The following USPL1 variants were observed in gnomAD, a reference collection of about 807,000 sequenced individuals.
USPL1 encodes the protein SUMO-specific isopeptidase USPL1.
In USPL1, 27 loss-of-function variants were observed where a neutral mutation model predicts 51.5. The ratio of observed to expected loss-of-function variants is 0.52; its 90% CI spans 0.39 to 0.72. The LOEUF is 0.72. USPL1 is among the 30% of genes least tolerant of loss of function. USPL1 has a pLI of 0.00. For missense variants in USPL1, 1,226 were observed against 1,268.0 expected (o/e 0.97, Z 0.50); for synonymous variants, 451 against 459.6 (o/e 0.98, Z 0.24).
chr13:30,642,737 T>G lies in USPL1; in HGVS notation c.1092T>G (p.Cys364Trp). 6.2e-7 allele frequency: 1 copy of G among 1,612,916 alleles called. No individual in the cohort carries two copies. The highest frequency in any genetic ancestry group is 8.5e-7 in the Non-Finnish European group (1 of 1,179,658). The change falls in exon 6 of 9, where the codon TGT (cysteine) becomes TGG (tryptophan). Residue 364 changes from cysteine (C) to tryptophan (W), a missense_variant. Cys to Trp is a radical substitution (Grantham distance 215, BLOSUM62 -2). Transcript: ENST00000255304. ...SFSWDFECSQ[C>W]GHQYQNRHMK... ...CTTGGGACTTTGAATGTTCGCAGTG[T>G]GGACACCAATATCAAAACAGGTTAG...
In USPL1 at chr13:30,658,563, C is replaced by T. The variant is rs201754071; in HGVS notation, c.2486C>T (p.Pro829Leu). 1.1e-5 allele frequency: 17 copies of T among 1,614,148 alleles called. No homozygotes were observed. The East Asian group carries it at 3.8e-4, about 36-fold the overall frequency. Residue 829 changes from proline to leucine, a missense_variant, in exon 9 of 9, where the codon CCA becomes CTA. Transcript: ENST00000255304. ...ASKPPPISKP[P>L]AGPPSSNGTA... Reference sequence around the variant, plus strand: ...AAGCCTCCTCCCATCAGTAAGCCACCAGCAGGCCCTCCATCGTCTAATGGC... The same window carrying T: ...AAGCCTCCTCCCATCAGTAAGCCACTAGCAGGCCCTCCATCGTCTAATGGC...
At chr13:30,637,339 TC>T (rs1487649788) in intron 4 of USPL1, among the ~76,000 whole-genome samples, 1 of 152,230 alleles carries the variant, frequency 6.6e-6, no homozygotes, top group Non-Finnish European at 1.5e-5. Flanking sequence ...ATTTATCTGT[TC>T]CTATGACCTG....
intron 3 of USPL1, among the ~76,000 whole-genome samples, chr13:30,629,115 T>C (rs935488841): frequency 1.3e-5 from 2 of 152,184 alleles, no homozygotes; most frequent in African/African-American, 4.8e-5. Flanking sequence ...ATGAGTGTAA[T>C]GTTCAATTGG....
intron 3 of USPL1, among the ~76,000 whole-genome samples, chr13:30,622,520 T>G (rs1950658864): frequency 6.6e-6 from 1 of 152,210 alleles, no homozygotes. Flanking sequence ...TGTATTCCTA[T>G]TTCATGAATA....
At position 30,639,863 on chromosome 13, in the gene USPL1, C is replaced by G. The variant is rs1231984020; in HGVS notation, c.982+2006C>G. Among the ~76,000 whole-genome samples the G allele has an allele frequency of 3.9e-5, 6 of 152,338 alleles. No homozygotes were observed. In the East Asian group the frequency reaches 1.2e-3, roughly 29 times the overall value. ...TTGAATTAAAGAATGGTTTCTCCCC[C>G]AGCCTGAGTCACTACCCTTCTTATC... is the stretch of plus-strand genomic sequence containing the variant. On this transcript the variant is annotated intron_variant, in intron 5 of 8. Transcript: ENST00000255304.
chr13:30,634,060 T>C lies in USPL1; in HGVS notation c.868+2586T>C, dbSNP rs1950842572. ...TGATTTTTTTCTTTAAGTTGAGAAC[T>C]TTGACCTTTTTACTTAGAGAAGCAT... On this transcript the variant is annotated intron_variant, in intron 4 of 8. Coordinates refer to ENST00000255304, the MANE Select transcript of USPL1 (RefSeq NM_005800.5). Among the ~76,000 whole-genome samples, 3 of 152,208 alleles carry C rather than the reference T, an allele frequency of 2.0e-5. No homozygotes were observed. In the South Asian group the frequency reaches 6.2e-4, roughly 31 times the overall value.
At chr13:30,623,269 A>T (rs1474216431) in intron 3 of USPL1, among the ~76,000 whole-genome samples, 1 of 152,136 alleles carries the variant, frequency 6.6e-6, no homozygotes, top group Admixed American at 6.6e-5. Flanking sequence ...TGCTACTGCA[A>T]TGAAAGCAGC....
At chr13:30,641,871 A>C (rs545605496) in intron 5 of USPL1, among the ~76,000 whole-genome samples, 123 of 151,978 alleles carry the variant, frequency 8.1e-4, no homozygotes, top group Non-Finnish European at 1.4e-3. Flanking sequence ...TTCACTGATT[A>C]CATTTTTTAA....
At chr13:30,635,864 A>ATATGAATTCCT (rs1464678882) in intron 4 of USPL1, among the ~76,000 whole-genome samples, 6 of 152,180 alleles carry the variant, frequency 3.9e-5, no homozygotes, top group African/African-American at 1.4e-4. Flanking sequence ...TTTCCTAGGA[A>ATATGAATTCCT]AGATATTAGA....
chr13:30,635,343 G>A (rs771226203), intron 4 of USPL1, among the ~76,000 whole-genome samples: 15 of 152,086 alleles, frequency 9.9e-5, no homozygotes, highest in Non-Finnish European at 1.6e-4. Context: ...TGTGGTATGA[G>A]GTAAGGATCC....
intron 3 of USPL1, among the ~76,000 whole-genome samples, chr13:30,623,283 G>A (rs1278754184): frequency 1.3e-5 from 2 of 152,124 alleles, no homozygotes; most frequent in Admixed American, 6.6e-5. Flanking sequence ...AAGCAGCAGA[G>A]CGATAGAAGG....
In USPL1 at chr13:30,628,437, G is replaced by A. The variant is rs534455609; in HGVS notation, c.229-2398G>A. 2.9e-4 allele frequency among the ~76,000 whole-genome samples: 44 copies of A among 152,104 alleles called. 1 individual carries two copies. The highest frequency in any genetic ancestry group is 8.0e-4 in the African/African-American group (33 of 41,486). ...AAGTTCTGGGATACATGTGCAGAACGTGCAGGCTTGTTACATAGGTATACA... is the reference window on the plus strand; with the variant it reads ...AAGTTCTGGGATACATGTGCAGAACATGCAGGCTTGTTACATAGGTATACA... On this transcript the variant is annotated intron_variant, in intron 3 of 8. Coordinates refer to ENST00000255304, the MANE Select transcript of USPL1 (RefSeq NM_005800.5).
chr13:30,635,975 A>G (rs931119622), intron 4 of USPL1, among the ~76,000 whole-genome samples: 3 of 152,226 alleles, frequency 2.0e-5, no homozygotes, highest in African/African-American at 7.2e-5. Flanking sequence ...AGTGTTTTCT[A>G]ACCACCTTTG....
Position 30,622,827 on chromosome 13 carries a change from G to T in USPL1, c.228+935G>T, listed in dbSNP as rs958506031. Among the ~76,000 whole-genome samples, 4 of 150,708 alleles carry T rather than the reference G, an allele frequency of 2.7e-5. No individual in the cohort carries two copies. The South Asian group carries it at 6.2e-4, about 23-fold the overall frequency. ...CACATGGTTGTTAATAGATACTTATGCTGGGTATAATTTGAAGTAAAGTAA... is the reference window on the plus strand; with the variant it reads ...CACATGGTTGTTAATAGATACTTATTCTGGGTATAATTTGAAGTAAAGTAA... On this transcript the variant is annotated intron_variant, in intron 3 of 8. Coordinates refer to ENST00000255304, the MANE Select transcript of USPL1 (RefSeq NM_005800.5).
rs1315607417 is a variant in USPL1, at chr13:30,658,221, C to G, written c.2144C>G (p.Pro715Arg). Reference sequence around the variant, plus strand: ...ACACCAAAAACTGAACAATTAAAACCAGAACGTGTCACATCTCAGGTATCT... The same window carrying G: ...ACACCAAAAACTGAACAATTAAAACGAGAACGTGTCACATCTCAGGTATCT... ...FLTPKTEQLKPERVTSQVSNL... is the reference protein window; with the variant it reads ...FLTPKTEQLKRERVTSQVSNL... Residue 715 changes from proline to arginine, a missense_variant, in exon 9 of 9, where the codon CCA becomes CGA. Coordinates refer to ENST00000255304, the MANE Select transcript of USPL1 (RefSeq NM_005800.5). The G allele has an allele frequency of 1.2e-6, 2 of 1,611,342 alleles. No homozygotes were observed. Among genetic ancestry groups the G allele is most frequent in the Non-Finnish European group, 1.7e-6 (2 of 1,179,450 alleles).
At chr13:30,649,650 G>A (rs1951062655) in intron 7 of USPL1, among the ~76,000 whole-genome samples, 1 of 152,210 alleles carries the variant, frequency 6.6e-6, no homozygotes, top group African/African-American at 2.4e-5. Flanking sequence ...ACTCTTGAAA[G>A]GTCACTGCCA....
chr13:30,653,366 G>A, intron 8 of USPL1, 61 bp downstream of exon 8: 1 of 1,437,216 alleles, frequency 7.0e-7, no homozygotes, highest in Non-Finnish European at 9.2e-7. Context: ...CTAGCATGTG[G>A]GGACTTTTTG....
chr13:30,623,546 C>T (rs6490473), intron 3 of USPL1, among the ~76,000 whole-genome samples: 58,955 of 151,026 alleles, frequency 0.39, 11,934 homozygotes, highest in Middle Eastern at 0.55. Context: ...CTATGGTTTC[C>T]GTTACAGAGC....
At chr13:30,636,090 GT>G (rs1198406547) in intron 4 of USPL1, among the ~76,000 whole-genome samples, 1 of 152,094 alleles carries the variant, frequency 6.6e-6, no homozygotes, top group African/African-American at 2.4e-5. Context: ...GTCATTTACA[GT>G]TTTTTGCAAT....
Sources: allele counts gnomAD v4.1 joint callset (sites outside exome capture counted in the v4.1 genomes callset), GRCh38; gene constraint gnomAD v4.1.1; transcripts MANE v1.5; gene names NCBI Gene and HGNC (gene_info 2026-07-23, HGNC 2026-07-21).